Variants in RTN4 observed in about 807,000 individuals in gnomAD.
RTN4 encodes reticulon 4.
RTN4 carries 32 observed loss-of-function variants against 90.4 expected under a neutral mutation model. The observed-to-expected ratio is 0.35, with a 90% CI of 0.27 to 0.48. The LOEUF (loss-of-function observed/expected upper bound fraction) is 0.48, where lower values mean the gene tolerates loss of function less well. Ranked by LOEUF, RTN4 falls within the 20% of genes least tolerant of loss-of-function variation. The pLI, the probability that RTN4 is intolerant of heterozygous loss-of-function variation, is 0.99. For synonymous variants in RTN4, 629 were observed against 552.5 expected (o/e 1.14, Z -1.94); for missense variants, 1,706 against 1,430.2 (o/e 1.19, Z -3.11).
rs977494455 is a variant in RTN4, at chr2:54,972,453, T to C, written c.*703A>G. 5 of 152,642 alleles carry C rather than the reference T, an allele frequency of 3.3e-5. No individual in the cohort carries two copies. Among genetic ancestry groups the C allele is most frequent in the Admixed American group, 6.5e-5 (1 of 15,282 alleles). 9.5% of individuals were successfully genotyped at this position (152,642 alleles called of 1,614,324 possible). A position where few individuals can be genotyped will look rare whatever the true frequency, so the allele number is the denominator to read the frequency against. On this transcript the variant is annotated 3_prime_UTR_variant, in exon 9 of 9. Transcript: ENST00000337526. ...AGTTCTATGTGTGTGGCATTTCATG[T>C]TGAAAACAGATGGTAGTGCTCCTAG...
intron 3 of RTN4, among the ~76,000 whole-genome samples, chr2:54,989,509 C>T (rs186451793): frequency 1.2e-4 from 18 of 152,196 alleles, no homozygotes; most frequent in Admixed American, 6.5e-4. Flanking sequence ...AGGGACATTA[C>T]GAATAATGTC....
chr2:54,981,474 T>C (rs1020737418), intron 5 of RTN4, among the ~76,000 whole-genome samples: 4 of 152,216 alleles, frequency 2.6e-5, no homozygotes, highest in African/African-American at 9.6e-5. Context: ...ACTACATTTC[T>C]GCCCAGGCTT....
rs77696250 is a variant in RTN4 at position 55,011,540 on chromosome 2, C to T, written c.3013+13546G>A. Among the ~76,000 whole-genome samples the T allele has an allele frequency of 1.0e-3, 155 of 152,170 alleles. 1 individual carries two copies. In the East Asian group the frequency reaches 0.027, roughly 27 times the overall value. ...CAATTTGCGAAAATACTATAAGATA[C>T]GTAGCCTATGTACAAAAATACATAC... On this transcript the variant is annotated intron_variant, in intron 3 of 8. Transcript: ENST00000337526.
In RTN4 at chr2:55,092,183, A is replaced by G. The variant is rs555835209; in HGVS notation, c.-213-11544T>C. ...CCAGCCTGGGTGACAGAGTGAGACC[A>G]TGACTTAAAAAAAAAAAAGGAAGCT... On this transcript the variant is annotated intron_variant, in intron 1 of 3. Coordinates refer to the RTN4 transcript ENST00000427710. Among the ~76,000 whole-genome samples the G allele has an allele frequency of 1.3e-4, 3 of 22,270 alleles. No individual in the cohort carries two copies. The Admixed American group carries it at 1.9e-3, about 14-fold the overall frequency. The allele number at this position is 22,270 out of a possible 152,430, so 14.6% of individuals were successfully genotyped here. A position where few individuals can be genotyped will look rare whatever the true frequency, so the allele number is the denominator to read the frequency against.
the RTN4 span, among the ~76,000 whole-genome samples, chr2:55,135,963 T>A: frequency 6.6e-6 from 1 of 152,198 alleles, no homozygotes; most frequent in African/African-American, 2.4e-5. Flanking sequence ...GTTAGAGCAG[T>A]TAGCTAGGCA....
chr2:55,078,063 G>A (rs56244204), intron 2 of RTN4, among the ~76,000 whole-genome samples: 2,699 of 151,904 alleles, frequency 0.018, 84 homozygotes, highest in African/African-American at 0.062. Flanking sequence ...AAAAGACTAC[G>A]CATTGAGTAC....
intron 1 of RTN4, among the ~76,000 whole-genome samples, chr2:55,095,573 G>C (rs1013253719): frequency 2.0e-5 from 3 of 152,084 alleles, no homozygotes; most frequent in East Asian, 1.9e-4. Flanking sequence ...AGTATAAGTG[G>C]CTTAATGAGG....
chr2:55,060,555 C>T (rs888179931), intron 2 of RTN4: 2 of 152,128 alleles, frequency 1.3e-5, no homozygotes, highest in Non-Finnish European at 1.5e-5. Flanking sequence ...GTGTATTAAG[C>T]ACTGGTTATG....
At chr2:55,126,369 C>CA in the RTN4 span, among the ~76,000 whole-genome samples, 1 of 137,652 alleles carries the variant, frequency 7.3e-6, no homozygotes, top group East Asian at 2.1e-4. Context: ...AACTCCGTCT[C>CA]AAAAAGAAAA....
intron 1 of RTN4, among the ~76,000 whole-genome samples, chr2:55,035,235 A>T (rs535916143): frequency 6.6e-6 from 1 of 152,302 alleles, no homozygotes; most frequent in African/African-American, 2.4e-5. Context: ...CTTCTCAAGT[A>T]CATATGGAAC....
intron 1 of RTN4, chr2:55,049,141 C>A: frequency 2.0e-6 from 2 of 985,838 alleles, no homozygotes; most frequent in Non-Finnish European, 2.4e-6. Flanking sequence ...CCCTTCACTG[C>A]GGTTGGGTCA....
Position 55,026,208 on chromosome 2 carries a change from C to A in RTN4, c.1891G>T (p.Val631Leu), listed in dbSNP as rs545859060. The change falls in exon 3 of 9, where the codon GTG (valine) becomes TTG (leucine). Residue 631 changes from valine to leucine, a missense_variant. Val to Leu is a conservative substitution (Grantham distance 32). Transcript: ENST00000337526. ...NSAVPSAGAS[V>L]IQPSSSPLEA... is the part of the protein sequence containing the mutation. ...AATGGTGATGAGCTGGGCTGTATCA[C>A]GGAAGCACCAGCACTAGGAACTGCA... The A allele has an allele frequency of 7.4e-6, 12 of 1,613,676 alleles. No homozygotes were observed. The highest frequency in any genetic ancestry group is 1.1e-5 in the South Asian group (1 of 91,074).
chr2:54,977,436 G>C (rs1278062114), intron 5 of RTN4, among the ~76,000 whole-genome samples: 1 of 144,204 alleles, frequency 6.9e-6, no homozygotes. Context: ...CTCACTTTCA[G>C]ATTTAAGATT....
rs377371043 is a variant in RTN4, at chr2:55,063,863, G to T, written c.-63+16626C>A. ...GCACTGTACTCCAGCCTGGGCAACA[G>T]GGGGAGACAGTCTCAAAAAAAAAAA... On this transcript the variant is annotated intron_variant, in intron 2 of 3. Transcript: ENST00000427710. 5.1e-4 allele frequency among the ~76,000 whole-genome samples: 77 copies of T among 151,630 alleles called. 1 individual carries two copies. In the South Asian group the frequency reaches 0.016, roughly 31 times the overall value.
chr2:54,976,103 C>A (rs1677610918), intron 5 of RTN4, among the ~76,000 whole-genome samples: 1 of 152,120 alleles, frequency 6.6e-6, no homozygotes, highest in Admixed American at 6.5e-5. Context: ...CCATCACTAT[C>A]CACAAGTCTA....
chr2:55,120,966 T>G, the RTN4 span, among the ~76,000 whole-genome samples: 10 of 152,118 alleles, frequency 6.6e-5, no homozygotes, highest in African/African-American at 2.4e-4. Context: ...GAAACCCTGG[T>G]GGCCACCAGG....
chr2:55,032,474 G>C (rs559937532), intron 1 of RTN4, among the ~76,000 whole-genome samples: 197 of 152,134 alleles, frequency 1.3e-3, no homozygotes, highest in Non-Finnish European at 2.0e-3. Flanking sequence ...AATCTTGGTG[G>C]AGAAATATAG....
rs1443409647 is a variant in RTN4, at chr2:54,981,285, T to G, written c.3360+1230A>C. ...GTTATAAAGGCTAAAATGTTTTTGT[T>G]TTTTTTTTTTAAAAAGCACTTTAAG... is the stretch of plus-strand genomic sequence containing the variant. On this transcript the variant is annotated intron_variant, in intron 5 of 8. Transcript: ENST00000337526. 1.0e-4 allele frequency among the ~76,000 whole-genome samples: 15 copies of G among 144,298 alleles called. 1 individual carries two copies. The highest frequency in any genetic ancestry group is 4.1e-4 in the African/African-American group (14 of 34,450). 94.7% of individuals were successfully genotyped at this position (144,298 alleles called of 152,430 possible). A position where few individuals can be genotyped will look rare whatever the true frequency, so the allele number is the denominator to read the frequency against.
At chr2:55,059,417 G>T (rs940757500) in intron 2 of RTN4, among the ~76,000 whole-genome samples, 1 of 151,712 alleles carries the variant, frequency 6.6e-6, no homozygotes, top group East Asian at 1.9e-4. Flanking sequence ...GCAGTGGTGC[G>T]ATCACGGCTC....
Sources: gnomAD v4.1 joint callset for allele counts (sites outside exome capture counted in the v4.1 genomes callset) on GRCh38, gnomAD v4.1.1 for gene constraint, MANE v1.5 for transcripts, NCBI Gene and HGNC (gene_info 2026-07-23, HGNC 2026-07-21) for gene names.